Variants in AKR1D1 observed in about 807,000 individuals in gnomAD.
The protein encoded by AKR1D1 is aldo-keto reductase family 1 member D1, also known as delta(4)-3-ketosteroid 5-beta-reductase.
AKR1D1 carries 32 observed loss-of-function variants against 42.6 expected under a neutral mutation model. That is an observed-to-expected ratio of 0.75 (90% CI 0.57 to 1.01). The LOEUF is 1.01. AKR1D1 is among the 50% of genes least tolerant of loss of function. AKR1D1 has a pLI of 0.00. For missense variants in AKR1D1, 364 were observed against 402.2 expected, an observed-to-expected ratio of 0.91 and a Z score of 0.81; for synonymous variants, 123 against 135.5, an observed-to-expected ratio of 0.91 and a Z score of 0.64.
chr7:138,089,940 T>A lies in AKR1D1; in HGVS notation c.261+1172T>A, dbSNP rs182589254. On this transcript the variant is annotated intron_variant, in intron 2 of 8. Coordinates refer to ENST00000242375, the MANE Select transcript of AKR1D1 (RefSeq NM_005989.4). ...ACTATTGGCTGAGTTGCCTAGCATT[T>A]CTGGACCTCAATTTTTTTTCTCTGT... is the stretch of plus-strand genomic sequence containing the variant. Among the ~76,000 whole-genome samples the A allele has an allele frequency of 1.3e-4, 20 of 152,300 alleles. 2 individuals are homozygous for A. Among genetic ancestry groups the A allele is most frequent in the African/African-American group, 4.8e-4 (20 of 41,556 alleles).
chr7:138,081,338 A>G (rs918255267), intron 1 of AKR1D1, among the ~76,000 whole-genome samples: 1 of 151,714 alleles, frequency 6.6e-6, no homozygotes. Flanking sequence ...TTGAAATTCC[A>G]CCTTCCTCTT....
At chr7:138,088,804 G>T in intron 2 of AKR1D1, 36 bp downstream of exon 2, 1 of 1,562,162 alleles carries the variant, frequency 6.4e-7, no homozygotes, top group East Asian at 2.4e-5. Context: ...TGGGGACAGT[G>T]AGAAGGTTTC....
intron 1 of AKR1D1, 36 bp from the exon 2 acceptor site, chr7:138,088,565 C>A: frequency 1.2e-6 from 2 of 1,609,508 alleles, no homozygotes. Flanking sequence ...AAGACCATTT[C>A]TCTTTTCCCC....
At position 138,105,302 on chromosome 7, in the gene AKR1D1, T is replaced by C. The variant is rs1404936990; in HGVS notation, c.457-5T>C. The C allele has an allele frequency of 6.2e-7, 1 of 1,614,166 alleles. No individual in the cohort carries two copies. Among genetic ancestry groups the C allele is most frequent in the South Asian group, 1.1e-5 (1 of 91,082 alleles). On this transcript the variant is annotated splice_polypyrimidine_tract_variant and splice_region_variant and intron_variant, in intron 4 of 8. Transcript: ENST00000242375. ...TTTGTTGACCTGTGGACATTTACTC[T>C]ACAGGCGATGGAAGCTTGCAAAGAC... is the stretch of plus-strand genomic sequence containing the variant.
intron 8 of AKR1D1, among the ~76,000 whole-genome samples, chr7:138,115,009 A>G (rs1024189284): frequency 5.9e-5 from 9 of 152,176 alleles, no homozygotes; most frequent in Admixed American, 2.0e-4. Flanking sequence ...TTTGACATCA[A>G]AAGGCACCAC....
chr7:138,109,431 T>C lies in AKR1D1; in HGVS notation c.855+1851T>C, dbSNP rs78851925. 3.9e-3 allele frequency among the ~76,000 whole-genome samples: 595 copies of C among 152,266 alleles called. 2 individuals are homozygous for C. The highest frequency in any genetic ancestry group is 0.014 in the African/African-American group (571 of 41,552). ...CAGCTCCAGGATAATCAATTACTCA[T>C]ACTCAGTGAAGAGTGAAGATGATCA... On this transcript the variant is annotated intron_variant, in intron 7 of 8. Transcript: ENST00000242375.
At chr7:138,103,936 C>T (rs1332253044) in intron 4 of AKR1D1, among the ~76,000 whole-genome samples, 1 of 151,982 alleles carries the variant, frequency 6.6e-6, no homozygotes, top group African/African-American at 2.4e-5. Context: ...TTGAAATCAA[C>T]CTGGGCAACA....
intron 3 of AKR1D1, among the ~76,000 whole-genome samples, chr7:138,093,437 AT>A: frequency 6.6e-6 from 1 of 152,294 alleles, no homozygotes; most frequent in East Asian, 1.9e-4. Flanking sequence ...GCTCTTGTCT[AT>A]TAAATTTTTT....
intron 1 of AKR1D1, among the ~76,000 whole-genome samples, chr7:138,079,222 C>T (rs1051749582): frequency 6.6e-6 from 1 of 152,150 alleles, no homozygotes; most frequent in African/African-American, 2.4e-5. Flanking sequence ...AAAACAAAGC[C>T]TTGCTCTTAT....
At chr7:138,088,424 C>T (rs557799112) in intron 1 of AKR1D1, among the ~76,000 whole-genome samples, 177 bp from the exon 2 acceptor site, 129 of 152,126 alleles carry the variant, frequency 8.5e-4, no homozygotes, top group Admixed American at 1.6e-3. Flanking sequence ...GGAGCGGAGG[C>T]CCCTGGGAGG....
chr7:138,094,626 C>G (rs562527957), intron 3 of AKR1D1, among the ~76,000 whole-genome samples: 1 of 152,316 alleles, frequency 6.6e-6, no homozygotes, highest in East Asian at 1.9e-4. Flanking sequence ...AGCAATCCTC[C>G]TGCCTCAGCC....
rs186980464 is a variant in AKR1D1 at position 138,086,844 on chromosome 7, C to T, written c.94-1757C>T. Among the ~76,000 whole-genome samples the T allele has an allele frequency of 2.1e-3, 319 of 152,204 alleles. 1 individual carries two copies. The highest frequency in any genetic ancestry group is 3.5e-3 in the Non-Finnish European group (238 of 68,036). On this transcript the variant is annotated intron_variant, in intron 1 of 8. Transcript: ENST00000242375. Reference sequence around the variant, plus strand: ...CAAATCAGAAAATAGAATCAACCCTCTCACACACACACGCTCTAAAAGATG... The same window carrying T: ...CAAATCAGAAAATAGAATCAACCCTTTCACACACACACGCTCTAAAAGATG...
intron 3 of AKR1D1, 87 bp downstream of exon 3, chr7:138,091,971 C>T (rs1794092837): frequency 5.2e-6 from 4 of 765,446 alleles, no homozygotes. Context: ...CACCATGAGC[C>T]AATAGCTATG....
At chr7:138,099,892 A>C (rs1263711536) in intron 4 of AKR1D1, among the ~76,000 whole-genome samples, 9 of 150,596 alleles carry the variant, frequency 6.0e-5, no homozygotes, top group Non-Finnish European at 1.0e-4. Context: ...AAACACGAAG[A>C]TCTTAAAGGG....
intron 6 of AKR1D1, 58 bp downstream of exon 6, chr7:138,106,775 T>A: frequency 7.5e-7 from 1 of 1,325,618 alleles, no homozygotes; most frequent in Non-Finnish European, 1.1e-6. Context: ...TCATGTGAAC[T>A]ACTGTATTTG....
At position 138,106,683 on chromosome 7, in the gene AKR1D1, T is replaced by C. The variant is rs201408607; in HGVS notation, c.655T>C (p.Tyr219His). ...ACAACATGACATTGTCATTACTGCA[T>C]ATAGCCCTTTGGGGACCAGTAGGAA... ...CQQHDIVITA[Y>H]SPLGTSRNPI... Residue 219 changes from tyrosine (Y) to histidine (H), a missense_variant, in exon 6 of 9, where the codon TAT (tyrosine) becomes CAT (histidine). Physicochemically the swap from Tyr to His is moderately conservative, Grantham distance 83 (BLOSUM62 2). Coordinates refer to ENST00000242375, the MANE Select transcript of AKR1D1 (RefSeq NM_005989.4). The C allele has an allele frequency of 7.4e-5, 120 of 1,613,980 alleles. No individual in the cohort carries two copies. The highest frequency in any genetic ancestry group is 1.0e-4 in the Non-Finnish European group (119 of 1,179,848).
At chr7:138,099,057 A>C (rs1794240360) in intron 4 of AKR1D1, among the ~76,000 whole-genome samples, 1 of 152,080 alleles carries the variant, frequency 6.6e-6, no homozygotes. Context: ...TGGAAATTAC[A>C]CTCTGGTAAG....
chr7:138,107,909 C>A (rs1208886744), intron 7 of AKR1D1, among the ~76,000 whole-genome samples: 1 of 151,924 alleles, frequency 6.6e-6, no homozygotes, highest in East Asian at 1.9e-4. Context: ...GTCTGGAACT[C>A]CTGTCTTCAA....
At chr7:138,114,750 C>G (rs1279403323) in intron 8 of AKR1D1, among the ~76,000 whole-genome samples, 1 of 151,202 alleles carries the variant, frequency 6.6e-6, no homozygotes, top group Non-Finnish European at 1.5e-5. Flanking sequence ...TATACACACA[C>G]ATGCATTTTT....
Sources: allele counts gnomAD v4.1 joint callset (sites outside exome capture counted in the v4.1 genomes callset), GRCh38; gene constraint gnomAD v4.1.1; transcripts MANE v1.5; gene names NCBI Gene and HGNC (gene_info 2026-07-23, HGNC 2026-07-21).